Variants in CACNA2D4 observed in about 807,000 individuals in gnomAD.
CACNA2D4 encodes the protein voltage-dependent calcium channel subunit alpha-2/delta-4.
A neutral mutation model predicts 163.8 loss-of-function variants in CACNA2D4; 157 were observed. The ratio of observed to expected loss-of-function variants is 0.96; its 90% CI spans 0.84 to 1.09. CACNA2D4 has a LOEUF of 1.09. CACNA2D4 is among the 50% of genes least tolerant of loss of function. The pLI is 0.00. For missense variants in CACNA2D4, 1,410 were observed against 1,479.9 expected, an observed-to-expected ratio of 0.95 and a Z score of 0.78; for synonymous variants, 598 against 586.9, an observed-to-expected ratio of 1.02 and a Z score of -0.27.
At chr12:1,887,141 C>A in intron 6 of CACNA2D4, 72 bp from the exon 7 acceptor site, 1 of 1,065,744 alleles carries the variant, frequency 9.4e-7, no homozygotes, top group South Asian at 1.4e-5. Context: ...GGGTGTGGAC[C>A]CCCAAGATGG....
chr12:1,879,255 T>G (rs1003241433), intron 14 of CACNA2D4, among the ~76,000 whole-genome samples: 1 of 152,188 alleles, frequency 6.6e-6, no homozygotes, highest in African/African-American at 2.4e-5. Context: ...TACCCAGTAT[T>G]AATATTTAAG....
rs1171591686 is a variant in CACNA2D4, at chr12:1,889,470, GA to G, written c.782-2402del. ...TCTAAAGGCCTTTGTTGACTGAGTA[GA>G]GAGCAAAAATATTATTTAATTTTAA... On this transcript the variant is annotated intron_variant, in intron 6 of 37. Transcript: ENST00000382722. Among the ~76,000 whole-genome samples the G allele has an allele frequency of 5.9e-5, 9 of 152,138 alleles. No individual in the cohort carries two copies. In the East Asian group the frequency reaches 1.7e-3, roughly 29 times the overall value.
intron 6 of CACNA2D4, among the ~76,000 whole-genome samples, chr12:1,894,078 A>G (rs562204719): frequency 6.6e-6 from 1 of 152,322 alleles, no homozygotes; most frequent in African/African-American, 2.4e-5. Flanking sequence ...ATTACAATGA[A>G]TACCACATAA....
chr12:1,797,292 T>TA (rs1863158045), intron 35 of CACNA2D4, 126 bp downstream of exon 35: 12 of 728,526 alleles, frequency 1.6e-5, no homozygotes, highest in South Asian at 4.8e-5. Flanking sequence ...GCTCTGCACT[T>TA]AGACGCATCC....
intron 27 of CACNA2D4, 59 bp from the exon 28 acceptor site, chr12:1,810,646 G>A (rs1320729018): frequency 3.3e-6 from 5 of 1,499,172 alleles, no homozygotes; most frequent in Non-Finnish European, 4.5e-6. Flanking sequence ...AATGGCACGT[G>A]TAAGTGGGAA....
At chr12:1,840,452 G>A (rs1478083854) in intron 26 of CACNA2D4, among the ~76,000 whole-genome samples, 1 of 133,806 alleles carries the variant, frequency 7.5e-6, no homozygotes, top group Non-Finnish European at 1.6e-5. Flanking sequence ...AGGGGGGTGG[G>A]TGGGGGGCGG....
At chr12:1,810,615 G>A in intron 27 of CACNA2D4, 28 bp from the exon 28 acceptor site, 1 of 1,551,292 alleles carries the variant, frequency 6.4e-7, no homozygotes, top group South Asian at 1.2e-5. Context: ...GACTGAATGT[G>A]GACACTGCAT....
rs1865934286 is a variant in CACNA2D4 at position 1,878,852 on chromosome 12, C to A, written c.1644+104G>T. ...TTGGGCAGTGATGGAGGGGCCCCAC[C>A]CCAGCTCTGGGCTTGGCTTGCCTGG... On this transcript the variant is annotated intron_variant, in intron 15 of 37. Coordinates refer to ENST00000382722, the MANE Select transcript of CACNA2D4 (RefSeq NM_172364.5). This position sits in a 1 kb window ranked among gnomAD's most constrained non-coding sequence, Gnocchi z 4.6. The A allele has an allele frequency of 3.5e-6, 4 of 1,131,566 alleles. 1 individual carries two copies. The South Asian group carries it at 6.0e-5, about 17-fold the overall frequency. The allele number at this position is 1,131,566 out of a possible 1,614,324, so 70.1% of individuals were successfully genotyped here.
intron 6 of CACNA2D4, among the ~76,000 whole-genome samples, chr12:1,893,043 A>G (rs374057679): frequency 6.6e-6 from 1 of 152,228 alleles, no homozygotes; most frequent in Non-Finnish European, 1.5e-5. Flanking sequence ...ATACAATAAT[A>G]GTTGGAACGT....
chr12:1,871,169 G>A (rs577467903), intron 18 of CACNA2D4, among the ~76,000 whole-genome samples: 4 of 148,298 alleles, frequency 2.7e-5, no homozygotes, highest in Non-Finnish European at 4.4e-5. Flanking sequence ...TGCTGCTGGT[G>A]TGTGCCTGTG....
Position 1,860,209 on chromosome 12 carries a change from G to C in CACNA2D4, c.1879-3C>G. On this transcript the variant is annotated splice_polypyrimidine_tract_variant and splice_region_variant and intron_variant, in intron 18 of 37. Coordinates refer to ENST00000382722, the MANE Select transcript of CACNA2D4 (RefSeq NM_172364.5). ...TTGGTCAGGAAAAGAACTCGCTTCT[G>C]AAAGAGTAGACAAGGAAAGAGTGCT... 6.2e-7 allele frequency: 1 copy of C among 1,612,670 alleles called. No homozygotes were observed. Among genetic ancestry groups the C allele is most frequent in the Admixed American group, 1.7e-5 (1 of 60,000 alleles).
chr12:1,907,528 A>G lies in CACNA2D4; in HGVS notation c.693T>C (p.Asn231=). 6.2e-7 allele frequency: 1 copy of G among 1,613,558 alleles called. No homozygotes were observed. Among genetic ancestry groups the G allele is most frequent in the Non-Finnish European group, 8.5e-7 (1 of 1,179,520 alleles). The part of the protein sequence containing the change: ...LNGVYMSEAL[N]AVFVENFQRD... ...TCTGGAAGTTCTCCACGAAGACAGC[A>G]TTCAAGGCTTCAGACATGTAGACTC... Residue 231 remains asparagine, a synonymous_variant, in exon 6 of 38, where the codon AAT becomes AAC. Coordinates refer to ENST00000382722, the MANE Select transcript of CACNA2D4 (RefSeq NM_172364.5).
chr12:1,900,517 T>C (rs1390644272), intron 6 of CACNA2D4, among the ~76,000 whole-genome samples: 1 of 152,214 alleles, frequency 6.6e-6, no homozygotes, highest in East Asian at 1.9e-4. Context: ...GGGAATATAA[T>C]TGGTGTGAGT....
intron 6 of CACNA2D4, among the ~76,000 whole-genome samples, chr12:1,890,931 C>T (rs1194838893): frequency 1.3e-5 from 2 of 152,192 alleles, no homozygotes; most frequent in African/African-American, 2.4e-5. Context: ...GTCCTGGGGA[C>T]TGAACTGCCC....
In CACNA2D4 at chr12:1,842,238, T is replaced by A. The variant is rs1199500038; in HGVS notation, c.2471-1419A>T. On this transcript the variant is annotated intron_variant, in intron 25 of 37. Coordinates refer to ENST00000382722, the MANE Select transcript of CACNA2D4 (RefSeq NM_172364.5). Reference sequence around the variant, plus strand: ...GAAGGGGGCGGGGCCCAGGGAGAGGTGGGCTGTGGGCATATTTCTGAGGCT... The same window carrying A: ...GAAGGGGGCGGGGCCCAGGGAGAGGAGGGCTGTGGGCATATTTCTGAGGCT... Among the ~76,000 whole-genome samples, 3 of 152,022 alleles carry A rather than the reference T, an allele frequency of 2.0e-5. No individual in the cohort carries two copies. In the East Asian group the frequency reaches 5.8e-4, roughly 29 times the overall value.
chr12:1,804,715 G>A (rs914902603), intron 29 of CACNA2D4, among the ~76,000 whole-genome samples: 1 of 152,260 alleles, frequency 6.6e-6, no homozygotes, highest in Non-Finnish European at 1.5e-5. Context: ...CTTCCGGGAA[G>A]CGGGCCCAAG....
At chr12:1,860,011 G>A (rs780518353) in intron 19 of CACNA2D4, 134 bp downstream of exon 19, 43 of 676,448 alleles carry the variant, frequency 6.4e-5, no homozygotes, top group Non-Finnish European at 1.1e-4. Flanking sequence ...CACTGGCAAA[G>A]CAGGTCTACA....
chr12:1,902,232 T>A (rs1159940558), intron 6 of CACNA2D4, among the ~76,000 whole-genome samples: 1 of 151,954 alleles, frequency 6.6e-6, no homozygotes, highest in Non-Finnish European at 1.5e-5. Flanking sequence ...AAAAACCATA[T>A]ACAACAGACC....
At chr12:1,881,711 G>T (rs975440229) in intron 13 of CACNA2D4, among the ~76,000 whole-genome samples, 3 of 152,258 alleles carry the variant, frequency 2.0e-5, no homozygotes, top group Admixed American at 1.3e-4. Flanking sequence ...GGACAAGGGA[G>T]GGAGAGCCCT....
Sources: gnomAD v4.1 joint callset for allele counts (sites outside exome capture counted in the v4.1 genomes callset) on GRCh38, gnomAD v4.1.1 for gene constraint, Gnocchi (gnomAD v3.1) non-coding constraint, MANE v1.5 for transcripts, NCBI Gene and HGNC (gene_info 2026-07-23, HGNC 2026-07-21) for gene names.